Variants in COL23A1 observed in about 807,000 individuals in gnomAD.
The protein encoded by COL23A1 is collagen type XXIII alpha 1 chain, also known as collagen alpha-1(XXIII) chain.
In COL23A1, 97 loss-of-function variants were observed where a neutral mutation model predicts 99.3. That is an observed-to-expected ratio of 0.98 (90% CI 0.83 to 1.16). The LOEUF is 1.16. COL23A1 is among the 50% of genes most tolerant of loss of function. COL23A1 has a pLI of 0.00. For missense variants in COL23A1, 762 were observed against 757.4 expected (o/e 1.01, Z -0.07); for synonymous variants, 320 against 308.2 (o/e 1.04, Z -0.40).
At chr5:178,509,592 C>T (rs1759086790) in intron 2 of COL23A1, among the ~76,000 whole-genome samples, 1 of 152,106 alleles carries the variant, frequency 6.6e-6, no homozygotes, top group African/African-American at 2.4e-5. Context: ...CTCCTGGTGA[C>T]CTCTAAGGCC....
intron 16 of COL23A1, among the ~76,000 whole-genome samples, chr5:178,254,135 A>C (rs1328333947): frequency 6.6e-6 from 1 of 152,148 alleles, no homozygotes; most frequent in Non-Finnish European, 1.5e-5. Context: ...AGCCTGGGCG[A>C]CAAGAGTGAA....
At chr5:178,321,531 C>T (rs1182031002) in intron 2 of COL23A1, among the ~76,000 whole-genome samples, 1 of 143,470 alleles carries the variant, frequency 7.0e-6, no homozygotes, top group African/African-American at 2.6e-5. Context: ...GCTCTGTTGC[C>T]CAGGCTGGAG....
chr5:178,391,055 C>CTA (rs1222464210), intron 2 of COL23A1, among the ~76,000 whole-genome samples: 1 of 152,226 alleles, frequency 6.6e-6, no homozygotes, highest in Non-Finnish European at 1.5e-5. Context: ...GGACAGTGAG[C>CTA]ATTACCGCCT....
intron 2 of COL23A1, among the ~76,000 whole-genome samples, chr5:178,522,042 T>C (rs1247185478): frequency 6.6e-6 from 1 of 152,140 alleles, no homozygotes; most frequent in Non-Finnish European, 1.5e-5. Context: ...ACAAAAAAAT[T>C]TCAAACAAAC....
At chr5:178,268,537 C>T (rs947138418) in intron 7 of COL23A1, among the ~76,000 whole-genome samples, 193 bp downstream of exon 7, 12 of 152,224 alleles carry the variant, frequency 7.9e-5, no homozygotes, top group East Asian at 1.9e-4. Flanking sequence ...CTGGGCAGGC[C>T]GTATTGTCAA....
intron 2 of COL23A1, among the ~76,000 whole-genome samples, chr5:178,481,390 TA>T (rs1039416394): frequency 3.9e-4 from 60 of 152,120 alleles, no homozygotes; most frequent in Middle Eastern, 3.4e-3. Context: ...TCATCAAAAT[TA>T]AAAACTTTTG....
In COL23A1 at chr5:178,387,295, C is replaced by T. The variant is rs965272806; in HGVS notation, c.362-80376G>A. Among the ~76,000 whole-genome samples, 1 of 152,162 alleles carries T rather than the reference C, an allele frequency of 6.6e-6. No individual in the cohort carries two copies. The highest frequency in any genetic ancestry group is 1.5e-5 in the Non-Finnish European group (1 of 68,032). On this transcript the variant is annotated intron_variant, in intron 2 of 28. Coordinates refer to ENST00000390654, the MANE Select transcript of COL23A1 (RefSeq NM_173465.4). The surrounding 1 kb of genome is among the most constrained non-coding windows in gnomAD (Gnocchi z 4.7). ...GCCTGGGCCCAGACTCCCCACTTCTCTTCCTCGTCTCCTTCCACATGCCCT... is the reference window on the plus strand; with the variant it reads ...GCCTGGGCCCAGACTCCCCACTTCTTTTCCTCGTCTCCTTCCACATGCCCT...
In COL23A1 at chr5:178,255,445, C is replaced by A. The variant is rs868639954; in HGVS notation, c.883-419G>T. 2.6e-5 allele frequency among the ~76,000 whole-genome samples: 4 copies of A among 151,660 alleles called. No individual in the cohort carries two copies. Among genetic ancestry groups the A allele is most frequent in the African/African-American group, 7.3e-5 (3 of 41,326 alleles). On this transcript the variant is annotated intron_variant, in intron 15 of 28. Transcript: ENST00000390654. The surrounding 1 kb of genome is among the most constrained non-coding windows in gnomAD (Gnocchi z 4.2). ...TTCCCAGCCTCTGGGAGCGGCTGCA[C>A]ACGCCAAGCACCCACACGCCTATTC...
intron 27 of COL23A1, 94 bp from the exon 28 acceptor site, chr5:178,239,273 C>G (rs1764266907): frequency 1.4e-6 from 2 of 1,443,682 alleles, no homozygotes; most frequent in African/African-American, 2.8e-5. Flanking sequence ...GAGGTGCAGG[C>G]CAGGGAGCGG....
intron 2 of COL23A1, among the ~76,000 whole-genome samples, chr5:178,393,960 C>T (rs1181101462): frequency 8.5e-5 from 13 of 152,162 alleles, no homozygotes; most frequent in Non-Finnish European, 4.4e-5. Context: ...TCCAAGGGTG[C>T]CAAGGAGTGG....
chr5:178,300,873 T>A (rs1757996699), intron 3 of COL23A1, among the ~76,000 whole-genome samples: 1 of 152,088 alleles, frequency 6.6e-6, no homozygotes. Flanking sequence ...CAAGATTCAT[T>A]TTTTTTGCTT....
intron 2 of COL23A1, among the ~76,000 whole-genome samples, chr5:178,358,739 A>ATC (rs1479346517): frequency 9.2e-6 from 1 of 108,974 alleles, no homozygotes; most frequent in Non-Finnish European, 2.1e-5. Flanking sequence ...GTGTATGTGT[A>ATC]TCTGTGTGTG....
chr5:178,582,788 C>T (rs1233141594), intron 1 of COL23A1, among the ~76,000 whole-genome samples: 1 of 152,216 alleles, frequency 6.6e-6, no homozygotes, highest in Non-Finnish European at 1.5e-5. Context: ...GACTCCCCAA[C>T]CAGGCCAGAG....
At chr5:178,424,525 C>T (rs1376206225) in intron 2 of COL23A1, among the ~76,000 whole-genome samples, 1 of 152,232 alleles carries the variant, frequency 6.6e-6, no homozygotes, top group African/African-American at 2.4e-5. Flanking sequence ...TCATGCTCTT[C>T]TCTGGAGCTG....
intron 2 of COL23A1, among the ~76,000 whole-genome samples, chr5:178,324,012 G>A (rs906926134): frequency 6.6e-6 from 1 of 152,066 alleles, no homozygotes; most frequent in African/African-American, 2.4e-5. Flanking sequence ...GAAATGTGAC[G>A]GCCTGGGGTC....
At chr5:178,447,617 A>G (rs879436363) in intron 2 of COL23A1, among the ~76,000 whole-genome samples, 14 of 152,202 alleles carry the variant, frequency 9.2e-5, no homozygotes, top group Admixed American at 7.9e-4. Flanking sequence ...GGTGTGTAGT[A>G]GGTTCTAACA....
chr5:178,291,303 C>T (rs1330545001), intron 3 of COL23A1, among the ~76,000 whole-genome samples: 1 of 152,298 alleles, frequency 6.6e-6, no homozygotes, highest in East Asian at 1.9e-4. Flanking sequence ...GGGTAACTAA[C>T]GGGACCAGTA....
chr5:178,298,379 C>T (rs1757861177), intron 3 of COL23A1, among the ~76,000 whole-genome samples: 1 of 152,172 alleles, frequency 6.6e-6, no homozygotes, highest in South Asian at 2.1e-4. Context: ...AGCTCTTAGC[C>T]TCTCTGGGAA....
intron 1 of COL23A1, among the ~76,000 whole-genome samples, chr5:178,565,656 T>A (rs1762807171): frequency 6.6e-6 from 1 of 152,140 alleles, no homozygotes; most frequent in African/African-American, 2.4e-5. Flanking sequence ...TTCCTCCTGA[T>A]AACCCCCACG....
Sources: gnomAD v4.1 joint callset for allele counts (sites outside exome capture counted in the v4.1 genomes callset) on GRCh38, gnomAD v4.1.1 for gene constraint, Gnocchi (gnomAD v3.1) non-coding constraint, MANE v1.5 for transcripts, NCBI Gene and HGNC (gene_info 2026-07-23, HGNC 2026-07-21) for gene names.